ELMO1: variants seen among roughly 807,000 people sequenced by gnomAD.
The protein encoded by ELMO1 is engulfment and cell motility protein 1.
In ELMO1, 26 loss-of-function variants were observed where a neutral mutation model predicts 98.9. The observed-to-expected ratio is 0.26, with a 90% confidence interval of 0.19 to 0.36. ELMO1 has a LOEUF of 0.36. Ranked by LOEUF, ELMO1 falls within the 10% of genes least tolerant of loss-of-function variation. ELMO1 has a pLI of 1.00. For synonymous variants in ELMO1, 346 were observed against 346.0 expected, an observed-to-expected ratio of 1.00 and a Z score of 0.00; for missense variants, 627 against 935.2, an observed-to-expected ratio of 0.67 and a Z score of 4.30.
At chr7:37,040,937 GGGCGT>G (rs1300103089) in intron 15 of ELMO1, among the ~76,000 whole-genome samples, 3 of 152,096 alleles carry the variant, frequency 2.0e-5, no homozygotes, top group Admixed American at 6.5e-5. Context: ...AAAATCAGCT[GGGCGT>G]GGTGGCACAT....
chr7:37,096,494 C>T (rs1019297182), intron 15 of ELMO1, 125 bp downstream of exon 15: 1 of 721,848 alleles, frequency 1.4e-6, no homozygotes, highest in Non-Finnish European at 2.4e-6. Context: ...AATAATCAAC[C>T]TATCCACAGT....
intron 15 of ELMO1, among the ~76,000 whole-genome samples, chr7:37,060,478 A>G (rs1417729995): frequency 1.3e-5 from 2 of 152,174 alleles, no homozygotes; most frequent in African/African-American, 4.8e-5. Flanking sequence ...GGACACAAAG[A>G]GGAGAATAAC....
chr7:37,172,101 C>A (rs561404208), intron 13 of ELMO1, among the ~76,000 whole-genome samples: 109 of 152,142 alleles, frequency 7.2e-4, no homozygotes, highest in Non-Finnish European at 1.1e-3. Flanking sequence ...CAATGACTAT[C>A]CTGTAAGAAA....
At position 37,135,852 on chromosome 7, in the gene ELMO1, C is replaced by T. The variant is rs546494417; in HGVS notation, c.1087-2618G>A. Among the ~76,000 whole-genome samples the T allele has an allele frequency of 3.9e-5, 6 of 152,222 alleles. No homozygotes were observed. In the South Asian group the frequency reaches 1.2e-3, roughly 32 times the overall value. ...ATCTCAAAAGATCATACTAGCTAAC[C>T]AGCAATGGATCCAAACCAAGATTAA... On this transcript the variant is annotated intron_variant, in intron 13 of 21. Coordinates refer to ENST00000310758, the MANE Select transcript of ELMO1 (RefSeq NM_014800.11).
chr7:37,286,297 C>A (rs1046198279), intron 4 of ELMO1, among the ~76,000 whole-genome samples: 7 of 152,220 alleles, frequency 4.6e-5, no homozygotes, highest in African/African-American at 1.7e-4. Flanking sequence ...CTGAACATAA[C>A]CTGCTGTGGC....
rs1038382153 is a variant in ELMO1, at chr7:37,271,450, A to C, written c.243+382T>G. On this transcript the variant is annotated intron_variant, in intron 5 of 21. Coordinates refer to ENST00000310758, the MANE Select transcript of ELMO1 (RefSeq NM_014800.11). ...CTCAAATCTTAAAGCAGAAGTGTCC[A>C]ATCTTTTGGCTTCCCTGGGCCACAG... is the stretch of plus-strand genomic sequence containing the variant. 5 of 200,608 alleles carry C rather than the reference A, an allele frequency of 2.5e-5. No individual in the cohort carries two copies. The Admixed American group carries it at 2.9e-4, about 12-fold the overall frequency. 12.4% of individuals were successfully genotyped at this position (200,608 alleles called of 1,614,324 possible).
intron 16 of ELMO1, among the ~76,000 whole-genome samples, chr7:36,947,787 CTCTT>C (rs1419859880): frequency 6.6e-6 from 1 of 152,128 alleles, no homozygotes; most frequent in African/African-American, 2.4e-5. Context: ...GCATCCTTCT[CTCTT>C]CTGGCCTCCA....
At chr7:37,136,723 A>G (rs1469342183) in intron 13 of ELMO1, among the ~76,000 whole-genome samples, 2 of 151,768 alleles carry the variant, frequency 1.3e-5, no homozygotes, top group Non-Finnish European at 2.9e-5. Flanking sequence ...TGCTAAAAGG[A>G]GCTCTAAATC....
At chr7:36,947,302 A>C (rs1343285950) in intron 16 of ELMO1, among the ~76,000 whole-genome samples, 3 of 152,236 alleles carry the variant, frequency 2.0e-5, no homozygotes, top group East Asian at 1.9e-4. Flanking sequence ...AAAGCACTTC[A>C]CATCTAGTTC....
chr7:37,070,610 T>C (rs1797218056), intron 15 of ELMO1, among the ~76,000 whole-genome samples: 1 of 152,198 alleles, frequency 6.6e-6, no homozygotes, highest in Non-Finnish European at 1.5e-5. Flanking sequence ...CCTGTTCTCA[T>C]CTGTGGTCCC....
intron 16 of ELMO1, among the ~76,000 whole-genome samples, chr7:36,982,382 T>A (rs966674434): frequency 6.6e-6 from 1 of 152,228 alleles, no homozygotes; most frequent in African/African-American, 2.4e-5. Flanking sequence ...ACATAGCAGG[T>A]AAAATAATAC....
chr7:37,054,388 T>A (rs1358835819), intron 15 of ELMO1, among the ~76,000 whole-genome samples: 1 of 152,154 alleles, frequency 6.6e-6, no homozygotes, highest in Non-Finnish European at 1.5e-5. Context: ...AGAAGATGCA[T>A]AAGACATGGC....
At chr7:37,226,948 C>T (rs769587884) in intron 8 of ELMO1, among the ~76,000 whole-genome samples, 13 of 152,274 alleles carry the variant, frequency 8.5e-5, no homozygotes, top group Non-Finnish European at 1.6e-4. Context: ...GATAAAAAGG[C>T]ATTTACTATG....
chr7:37,255,632 G>C (rs1795599332), intron 6 of ELMO1, among the ~76,000 whole-genome samples: 2 of 152,164 alleles, frequency 1.3e-5, no homozygotes, highest in Non-Finnish European at 2.9e-5. Context: ...CCACGGTAAA[G>C]TAACCGTAAT....
intron 1 of ELMO1, among the ~76,000 whole-genome samples, chr7:37,383,791 T>G (rs1448576713): frequency 1.3e-5 from 2 of 152,052 alleles, no homozygotes; most frequent in East Asian, 1.9e-4. Flanking sequence ...TAGGTAAAGT[T>G]TGAAATATAC....
Position 37,314,894 on chromosome 7 carries a change from C to CAA in ELMO1, c.146_147dup (p.Ala50LeufsTer21). 1 of 1,613,626 alleles carries CAA rather than the reference C, an allele frequency of 6.2e-7. No individual in the cohort carries two copies. The highest frequency in any genetic ancestry group is 8.5e-7 in the Non-Finnish European group (1 of 1,179,848). ...TTTGAACTATCGGCATGCTGGAGTG[C>CAA]AAAATATTCATGGTTGGCAAGAGAC... On this transcript the variant is annotated frameshift_variant, in exon 4 of 22. Transcript: ENST00000310758. LOFTEE classifies it high-confidence loss of function.
In ELMO1 at chr7:37,074,873, G is replaced by GCAGAAGC. The variant is rs1350658006; in HGVS notation, c.1300+21739_1300+21745dup. 9.2e-5 allele frequency among the ~76,000 whole-genome samples: 14 copies of GCAGAAGC among 152,158 alleles called. No homozygotes were observed. The East Asian group carries it at 1.5e-3, about 17-fold the overall frequency. ...ATTAGAAATTTAAGGCAAAAAACAG[G>GCAGAAGC]CAGAAGCCAGATTACAGAGACTTTC... On this transcript the variant is annotated intron_variant, in intron 15 of 21. Transcript: ENST00000310758.
rs183220518 is a variant in ELMO1 at position 37,176,103 on chromosome 7, T to C, written c.1086+35283A>G. On this transcript the variant is annotated intron_variant, in intron 13 of 21. Coordinates refer to ENST00000310758, the MANE Select transcript of ELMO1 (RefSeq NM_014800.11). ...TTTGGATATAGCTGAGAATATGCTG[T>C]CATTTACTAGAGATAATAATTTCAG... Among the ~76,000 whole-genome samples, 1,010 of 152,290 alleles carry C rather than the reference T, an allele frequency of 6.6e-3. 7 individuals are homozygous for C. The highest frequency in any genetic ancestry group is 0.011 in the Non-Finnish European group (717 of 68,024).
chr7:37,428,030 G>GGGGTGTGTGTGT (rs71554509), intron 1 of ELMO1, among the ~76,000 whole-genome samples: 1 of 149,792 alleles, frequency 6.7e-6, no homozygotes, highest in African/African-American at 2.5e-5. Flanking sequence ...GTATGCTTGG[G>GGGGTGTGTGTGT]GTGTGTGTGT....
Sources: gnomAD v4.1 joint callset for allele counts (sites outside exome capture counted in the v4.1 genomes callset) on GRCh38, gnomAD v4.1.1 for gene constraint, MANE v1.5 for transcripts, NCBI Gene and HGNC (gene_info 2026-07-23, HGNC 2026-07-21) for gene names.